PDXDC1: variants seen among roughly 807,000 people sequenced by gnomAD.
PDXDC1 encodes the protein pyridoxal-dependent decarboxylase domain-containing protein 1.
In PDXDC1, 42 loss-of-function variants were observed where a neutral mutation model predicts 100.1. That is an observed-to-expected ratio of 0.42 (90% CI 0.33 to 0.54). PDXDC1 has a LOEUF of 0.54. PDXDC1 is among the 20% of genes least tolerant of loss of function. PDXDC1 has a pLI of 0.10. For synonymous variants in PDXDC1, 260 were observed against 371.7 expected (o/e 0.70, Z 3.46); for missense variants, 636 against 979.2 (o/e 0.65, Z 4.68).
rs112925317 is a variant in PDXDC1, at chr16:15,079,092, G to A, written c.1399+49036G>A. 8.7e-3 allele frequency among the ~76,000 whole-genome samples: 1,319 copies of A among 152,218 alleles called. 6 individuals are homozygous for A. Among genetic ancestry groups the A allele is most frequent in the Middle Eastern group, 0.037 (11 of 294 alleles). On this transcript the variant is annotated intron_variant, in intron 16 of 16. Coordinates refer to the PDXDC1 transcript ENST00000535621. ...CCCAAAGTGCTGGGATTACATGCGT[G>A]AGCCACCACGCCCGGCCTCCTCTTC...
upstream of PDXDC1, chr16:14,975,007 C>T (rs1169340068): frequency 1.3e-6 from 2 of 1,534,998 alleles, no homozygotes; most frequent in Non-Finnish European, 1.7e-6. Flanking sequence ...CCCAGCGCTA[C>T]GGGGCCCCGC....
chr16:15,122,718 C>T (rs570890396), intron 16 of PDXDC1, among the ~76,000 whole-genome samples: 35 of 150,054 alleles, frequency 2.3e-4, no homozygotes, highest in Non-Finnish European at 3.0e-4. Context: ...ACCCGCATGT[C>T]CTGGTCCTTT....
chr16:15,023,854 T>C (rs1358003191), intron 13 of PDXDC1, among the ~76,000 whole-genome samples: 1 of 152,268 alleles, frequency 6.6e-6, no homozygotes, highest in African/African-American at 2.4e-5. Flanking sequence ...TGCCACAGGG[T>C]GGCCCTGTGA....
intron 16 of PDXDC1, among the ~76,000 whole-genome samples, chr16:15,052,067 A>G (rs2044314991): frequency 6.6e-6 from 1 of 151,968 alleles, no homozygotes; most frequent in Non-Finnish European, 1.5e-5. Flanking sequence ...GTTCCTATTC[A>G]ATGGCAGTAT....
intron 16 of PDXDC1, among the ~76,000 whole-genome samples, chr16:15,099,273 T>C (rs1440279892): frequency 4.0e-5 from 6 of 150,944 alleles, no homozygotes; most frequent in African/African-American, 1.5e-4. Context: ...AAATACGAAT[T>C]AGCAGGTGTG....
chr16:14,979,824 C>T (rs562372840), intron 1 of PDXDC1, among the ~76,000 whole-genome samples: 4 of 152,398 alleles, frequency 2.6e-5, no homozygotes, highest in South Asian at 2.1e-4. Context: ...ATAAGGACTC[C>T]GAGAATTTCT....
At chr16:15,052,258 G>A (rs964650437) in intron 16 of PDXDC1, among the ~76,000 whole-genome samples, 3 of 152,140 alleles carry the variant, frequency 2.0e-5, no homozygotes, top group Admixed American at 6.5e-5. Flanking sequence ...AGGTGACACC[G>A]AAGTTTTAAT....
intron 16 of PDXDC1, chr16:15,127,575 C>G (rs1213107897): frequency 1.5e-6 from 2 of 1,333,698 alleles, no homozygotes; most frequent in African/African-American, 3.0e-5. Flanking sequence ...TCAGCGGGCT[C>G]AGCCTGGACA....
chr16:15,077,665 C>T (rs1055048375), intron 16 of PDXDC1, among the ~76,000 whole-genome samples: 1 of 152,140 alleles, frequency 6.6e-6, no homozygotes, highest in Non-Finnish European at 1.5e-5. Context: ...CACGGTGAAA[C>T]CCCATCTCTA....
At chr16:15,011,636 T>C (rs1567668418) in intron 8 of PDXDC1, among the ~76,000 whole-genome samples, 5 of 112,728 alleles carry the variant, frequency 4.4e-5, no homozygotes, top group Non-Finnish European at 5.6e-5. Context: ...TTTTTCTTTT[T>C]TTTTTTTTTT....
intron 14 of PDXDC1, among the ~76,000 whole-genome samples, chr16:15,028,204 T>A (rs1388584218): frequency 6.6e-6 from 1 of 152,286 alleles, no homozygotes; most frequent in Non-Finnish European, 1.5e-5. Flanking sequence ...TCCAGAACAC[T>A]CTGCCCTTTC....
intron 1 of PDXDC1, chr16:14,976,847 T>C (rs1966859233): frequency 6.6e-6 from 1 of 152,460 alleles, no homozygotes; most frequent in African/African-American, 2.4e-5. Context: ...ATCATGTTTA[T>C]AACACCAGCA....
intron 16 of PDXDC1, among the ~76,000 whole-genome samples, chr16:15,080,684 A>G (rs926753812): frequency 6.6e-6 from 1 of 152,210 alleles, no homozygotes. Flanking sequence ...AGCCTCCTGA[A>G]GTGCTGTGAT....
At chr16:15,108,392 C>A in intron 16 of PDXDC1, 1 of 156,654 alleles carries the variant, frequency 6.4e-6, no homozygotes, top group African/African-American at 2.5e-5. Context: ...TCCTTCAGCA[C>A]ATGCTGTCTG....
chr16:15,028,831 T>G (rs2042829848), intron 14 of PDXDC1, 47 bp from the exon 15 acceptor site: 1 of 1,584,956 alleles, frequency 6.3e-7, no homozygotes, highest in Non-Finnish European at 8.6e-7. Context: ...TTTTTTTTGG[T>G]CAGCCGTGTT....
At chr16:15,003,704 C>G in intron 4 of PDXDC1, among the ~76,000 whole-genome samples, 1 of 152,232 alleles carries the variant, frequency 6.6e-6, no homozygotes, top group Non-Finnish European at 1.5e-5. Flanking sequence ...TTTTTCTGGC[C>G]AGGAGTAGTG....
chr16:15,101,197 G>A (rs1208366189), intron 16 of PDXDC1, among the ~76,000 whole-genome samples: 1 of 152,168 alleles, frequency 6.6e-6, no homozygotes, highest in Non-Finnish European at 1.5e-5. Context: ...CTCCGTAAAT[G>A]ACAGTATTTG....
the PDXDC1 span, among the ~76,000 whole-genome samples, chr16:15,149,083 C>G: frequency 2.2e-3 from 329 of 152,346 alleles, no homozygotes; most frequent in Non-Finnish European, 3.9e-3. Flanking sequence ...GTCCTCACCA[C>G]TGCCTCCGCT....
chr16:15,033,921 G>A (rs951224290), intron 19 of PDXDC1, among the ~76,000 whole-genome samples: 1 of 152,182 alleles, frequency 6.6e-6, no homozygotes, highest in Admixed American at 6.5e-5. Context: ...CAAAAGGAGA[G>A]AAGAGGGACC....
Sources: allele counts gnomAD v4.1 joint callset (sites outside exome capture counted in the v4.1 genomes callset), GRCh38; gene constraint gnomAD v4.1.1; transcripts MANE v1.5; gene names NCBI Gene and HGNC (gene_info 2026-07-23, HGNC 2026-07-21).